Variants in ENTHD1 observed in about 807,000 individuals in gnomAD.
The protein encoded by ENTHD1 is ENTH domain containing 1.
A neutral mutation model predicts 39.1 loss-of-function variants in ENTHD1; 23 were observed. The observed-to-expected ratio is 0.59, with a 90% CI of 0.42 to 0.83. The LOEUF is 0.83. ENTHD1 is among the 40% of genes least tolerant of loss of function. The probability of loss-of-function intolerance (pLI) is 0.00; values close to 1 mark genes in which losing one functional copy is unlikely to be tolerated. For missense variants in ENTHD1, 624 were observed against 705.4 expected (o/e 0.88, Z 1.31); for synonymous variants, 230 against 258.2 (o/e 0.89, Z 1.05).
intron 5 of ENTHD1, among the ~76,000 whole-genome samples, chr22:39,766,634 A>G (rs1225652618): frequency 5.3e-5 from 8 of 152,236 alleles, no homozygotes; most frequent in Non-Finnish European, 1.2e-4. Flanking sequence ...GTGATTCACT[A>G]TTGAGTGATT....
At chr22:39,797,634 T>C (rs111995126) in intron 5 of ENTHD1, among the ~76,000 whole-genome samples, 161 of 152,264 alleles carry the variant, frequency 1.1e-3, no homozygotes, top group African/African-American at 3.2e-3. Context: ...GGTCTAGTGG[T>C]GATGAATTCC....
chr22:39,817,036 T>G (rs2065739468), intron 5 of ENTHD1, among the ~76,000 whole-genome samples: 1 of 152,172 alleles, frequency 6.6e-6, no homozygotes, highest in Non-Finnish European at 1.5e-5. Flanking sequence ...AAATATCTAC[T>G]CAATATGTAG....
chr22:39,795,419 T>C (rs964690955), intron 5 of ENTHD1, among the ~76,000 whole-genome samples: 1 of 151,602 alleles, frequency 6.6e-6, no homozygotes, highest in African/African-American at 2.4e-5. Flanking sequence ...CTTTTTTTTT[T>C]CTTTTTTCTT....
intron 2 of ENTHD1, among the ~76,000 whole-genome samples, chr22:39,877,799 A>AGAGCCTAACTGATCTGGAAGATCAGT (rs1168830410): frequency 1.3e-5 from 2 of 152,186 alleles, no homozygotes; most frequent in Non-Finnish European, 2.9e-5. Flanking sequence ...GGGTCTTAAC[A>AGAGCCTAACTGATCTGGAAGATCAGT]GAGCCTAACT....
At chr22:39,880,653 T>C (rs1241104740) in intron 2 of ENTHD1, among the ~76,000 whole-genome samples, 1 of 152,188 alleles carries the variant, frequency 6.6e-6, no homozygotes, top group African/African-American at 2.4e-5. Flanking sequence ...AAAAACGAAG[T>C]TTATTTTTAA....
At chr22:39,770,517 C>T (rs570173031) in intron 5 of ENTHD1, among the ~76,000 whole-genome samples, 61 of 152,318 alleles carry the variant, frequency 4.0e-4, no homozygotes, top group African/African-American at 1.4e-3. Flanking sequence ...AGAGCCCCTT[C>T]TTCAAGCTTC....
chr22:39,889,808 T>C (rs1218820029), intron 1 of ENTHD1, among the ~76,000 whole-genome samples: 1 of 152,090 alleles, frequency 6.6e-6, no homozygotes, highest in Non-Finnish European at 1.5e-5. Context: ...AATGTACCTG[T>C]ATAAGTGGTT....
chr22:39,854,852 A>G (rs1003033384), intron 3 of ENTHD1, among the ~76,000 whole-genome samples: 9 of 152,198 alleles, frequency 5.9e-5, no homozygotes, highest in Admixed American at 1.3e-4. Flanking sequence ...CCTGCATTCA[A>G]TTTTACATTT....
intron 3 of ENTHD1, among the ~76,000 whole-genome samples, chr22:39,840,004 CAGAT>C (rs1396394549): frequency 6.6e-6 from 1 of 152,190 alleles, no homozygotes; most frequent in Non-Finnish European, 1.5e-5. Flanking sequence ...CTTTCAGTAT[CAGAT>C]AGCATAACAC....
chr22:39,882,367 T>C (rs2146767656), intron 2 of ENTHD1, among the ~76,000 whole-genome samples: 1 of 152,272 alleles, frequency 6.6e-6, no homozygotes, highest in South Asian at 2.1e-4. Flanking sequence ...GGAGACTAAG[T>C]AGGAGTTCAA....
intron 5 of ENTHD1, among the ~76,000 whole-genome samples, chr22:39,771,367 C>T (rs569019276): frequency 6.6e-6 from 1 of 152,178 alleles, no homozygotes; most frequent in African/African-American, 2.4e-5. Context: ...GCCAGCTCTA[C>T]AGTAATTGGC....
chr22:39,846,894 A>G (rs2065993276), intron 3 of ENTHD1, among the ~76,000 whole-genome samples: 1 of 152,148 alleles, frequency 6.6e-6, no homozygotes, highest in Non-Finnish European at 1.5e-5. Flanking sequence ...TCAGGAAACA[A>G]CAGGTGCTGG....
chr22:39,793,680 T>C (rs1239541368), intron 5 of ENTHD1, among the ~76,000 whole-genome samples: 1 of 152,150 alleles, frequency 6.6e-6, no homozygotes, highest in Non-Finnish European at 1.5e-5. Context: ...CGCATATGGA[T>C]ATCCAGTTTT....
At chr22:39,832,213 A>G (rs968750044) in intron 4 of ENTHD1, among the ~76,000 whole-genome samples, 1 of 152,188 alleles carries the variant, frequency 6.6e-6, no homozygotes, top group Admixed American at 6.5e-5. Flanking sequence ...TGGGAGGCTG[A>G]GGTGGGAAGA....
chr22:39,873,097 C>T (rs920619095), intron 2 of ENTHD1, among the ~76,000 whole-genome samples: 9 of 151,920 alleles, frequency 5.9e-5, no homozygotes, highest in African/African-American at 2.2e-4. Context: ...CAGGAGTGAG[C>T]CACCACACTC....
chr22:39,847,124 T>C (rs2065995265), intron 3 of ENTHD1, among the ~76,000 whole-genome samples: 1 of 152,024 alleles, frequency 6.6e-6, no homozygotes, highest in Admixed American at 6.5e-5. Context: ...CCAACCCAAA[T>C]GTCCAACAAT....
rs966664793 is a variant in ENTHD1, at chr22:39,843,173, C to T, written c.593-7215G>A. Among the ~76,000 whole-genome samples, 22 of 152,072 alleles carry T rather than the reference C, an allele frequency of 1.4e-4. 1 individual carries two copies. The highest frequency in any genetic ancestry group is 3.4e-3 in the Middle Eastern group (1 of 294). On this transcript the variant is annotated intron_variant, in intron 3 of 6. Transcript: ENST00000325157. ...GACACATGCACATGTATGTTTACTGCGGCACTATTCACAATAGTAAAGACT... is the reference window on the plus strand; with the variant it reads ...GACACATGCACATGTATGTTTACTGTGGCACTATTCACAATAGTAAAGACT...
chr22:39,805,449 A>G (rs2065632863), intron 5 of ENTHD1, among the ~76,000 whole-genome samples: 1 of 152,220 alleles, frequency 6.6e-6, no homozygotes, highest in Admixed American at 6.5e-5. Context: ...AAAGGGCCTC[A>G]GGTTGGGGAC....
At chr22:39,744,337 A>AT in intron 6 of ENTHD1, 54 bp from the exon 7 acceptor site, 5 of 1,457,360 alleles carry the variant, frequency 3.4e-6, no homozygotes, top group African/African-American at 1.4e-5. Context: ...AATGAGAGTA[A>AT]TAGCTAAAAT....
Sources: allele counts gnomAD v4.1 joint callset (sites outside exome capture counted in the v4.1 genomes callset), GRCh38; gene constraint gnomAD v4.1.1; transcripts MANE v1.5; gene names NCBI Gene and HGNC (gene_info 2026-07-23, HGNC 2026-07-21).